Variants in CNTNAP4 observed in about 807,000 individuals in gnomAD.
The protein encoded by CNTNAP4 is contactin-associated protein-like 4.
Under a neutral mutation model 148.4 loss-of-function variants are expected in CNTNAP4, and 98 were observed. The ratio of observed to expected loss-of-function variants is 0.66; its 90% CI spans 0.56 to 0.78. CNTNAP4 has a LOEUF of 0.78. Among genes scored for constraint, CNTNAP4 ranks in the 30% least tolerant of loss-of-function variants. The pLI is 0.00. For synonymous variants in CNTNAP4, 730 were observed against 565.1 expected, an observed-to-expected ratio of 1.29 and a Z score of -4.14; for missense variants, 1,935 against 1,565.6, an observed-to-expected ratio of 1.24 and a Z score of -3.98.
Position 76,447,970 on chromosome 16 carries a change from G to T in CNTNAP4, c.539-42G>T, listed in dbSNP as rs894932715. On this transcript the variant is annotated intron_variant, in intron 4 of 23. Coordinates refer to ENST00000611870, the MANE Select transcript of CNTNAP4 (RefSeq NM_033401.5). ...GCATTTAAAATGATTTAATGGAAAA[G>T]ATATTTATCCTTAGAATGCCTTCTA... The T allele has an allele frequency of 5.6e-6, 8 of 1,424,846 alleles. No homozygotes were observed. In the African/African-American group the frequency reaches 8.5e-5, roughly 15 times the overall value. 88.3% of individuals were successfully genotyped at this position (1,424,846 alleles called of 1,614,324 possible). A position where few individuals can be genotyped will look rare whatever the true frequency, so the allele number is the denominator to read the frequency against.
In CNTNAP4 at chr16:76,427,488, T is replaced by C. The variant is rs1268070793; in HGVS notation, c.427T>C (p.Tyr143His). The part of the protein sequence containing the change: ...SGNANADSVV[Y>H]YRLQPSIKAR... ...AAATGCAAATGCAGACAGTGTTGTG[T>C]ACTATAGACTCCAGCCTTCTATCAA... is the stretch of plus-strand genomic sequence containing the variant. Residue 143 changes from tyrosine to histidine, a missense_variant, in exon 4 of 24, where the codon TAC becomes CAC. Transcript: ENST00000611870. The C allele has an allele frequency of 6.2e-7, 1 of 1,613,038 alleles. No homozygotes were observed. The highest frequency in any genetic ancestry group is 8.5e-7 in the Non-Finnish European group (1 of 1,179,362).
intron 10 of CNTNAP4, among the ~76,000 whole-genome samples, chr16:76,472,657 T>C (rs1358085284): frequency 1.3e-5 from 2 of 152,226 alleles, no homozygotes; most frequent in East Asian, 1.9e-4. Context: ...GGTTTATCAT[T>C]GATGGGCATT....
At chr16:76,453,957 A>G (rs1371180328) in intron 8 of CNTNAP4, among the ~76,000 whole-genome samples, 5 of 152,302 alleles carry the variant, frequency 3.3e-5, no homozygotes, top group Non-Finnish European at 4.4e-5. Context: ...ATGAAGGTCT[A>G]AAAATGTAAG....
intron 17 of CNTNAP4, among the ~76,000 whole-genome samples, chr16:76,531,341 G>A (rs1479673534): frequency 6.6e-6 from 1 of 152,104 alleles, no homozygotes; most frequent in Non-Finnish European, 1.5e-5. Context: ...GTAATTTCCT[G>A]AGAATAATAA....
intron 4 of CNTNAP4, among the ~76,000 whole-genome samples, chr16:76,438,959 A>G (rs539345386): frequency 3.3e-5 from 5 of 152,206 alleles, no homozygotes; most frequent in Non-Finnish European, 7.3e-5. Flanking sequence ...AAATATGTAC[A>G]ATTACATATC....
intron 3 of CNTNAP4, among the ~76,000 whole-genome samples, chr16:76,360,922 T>C (rs2013349645): frequency 6.7e-6 from 1 of 150,128 alleles, no homozygotes; most frequent in Non-Finnish European, 1.5e-5. Context: ...GTTCACACCA[T>C]TCTCCTGCCT....
rs2081210410 is a variant in CNTNAP4 at position 76,467,384 on chromosome 16, A to G, written c.1516A>G (p.Lys506Glu). The change falls in exon 10 of 24, where the codon AAA becomes GAA. Residue 506 changes from lysine to glutamate, a missense_variant. Coordinates refer to ENST00000611870, the MANE Select transcript of CNTNAP4 (RefSeq NM_033401.5). Reference sequence around the variant, plus strand: ...TGACAAAAGCTTTGGATCCAAATGTAAAAGTCCACTTGGTGGATTTCAGGG... The same window carrying G: ...TGACAAAAGCTTTGGATCCAAATGTGAAAGTCCACTTGGTGGATTTCAGGG... ...CPDKSFGSKC[K>E]SPLGGFQGCM... is the part of the protein sequence containing the mutation. The G allele has an allele frequency of 7.4e-6, 12 of 1,613,932 alleles. No homozygotes were observed. Among genetic ancestry groups the G allele is most frequent in the Non-Finnish European group, 7.6e-6 (9 of 1,179,850 alleles).
At chr16:76,504,172 G>T in intron 15 of CNTNAP4, among the ~76,000 whole-genome samples, 1 of 151,946 alleles carries the variant, frequency 6.6e-6, no homozygotes. Flanking sequence ...CAAAGTTTGA[G>T]ATACACTACT....
Position 76,452,599 on chromosome 16 carries a change from G to C in CNTNAP4, c.1163G>C (p.Gly388Ala). Residue 388 changes from glycine (G) to alanine (A), a missense_variant, in exon 8 of 24, where the codon GGA (glycine) becomes GCA (alanine). Gly to Ala is a moderately conservative substitution (Grantham distance 60). Coordinates refer to ENST00000611870, the MANE Select transcript of CNTNAP4 (RefSeq NM_033401.5). ...RSYLALPDFS[G>A]EEEVSATFQF... ...TATTTAGCACTGCCAGACTTCTCTGGAGAGGAGGAGGTTTCTGCCACTTTT... is the reference window on the plus strand; with the variant it reads ...TATTTAGCACTGCCAGACTTCTCTGCAGAGGAGGAGGTTTCTGCCACTTTT... The C allele has an allele frequency of 6.2e-7, 1 of 1,613,998 alleles. No homozygotes were observed. The highest frequency in any genetic ancestry group is 1.1e-5 in the South Asian group (1 of 91,080).
At chr16:76,315,248 C>G (rs1193048474) in intron 1 of CNTNAP4, among the ~76,000 whole-genome samples, 1 of 152,046 alleles carries the variant, frequency 6.6e-6, no homozygotes, top group Admixed American at 6.6e-5. Context: ...GCAAGCTCCT[C>G]TGAGTACATT....
At chr16:76,370,869 A>G (rs990672437) in intron 3 of CNTNAP4, among the ~76,000 whole-genome samples, 19 of 152,304 alleles carry the variant, frequency 1.2e-4, no homozygotes, top group Middle Eastern at 6.8e-3. Context: ...GAGATTTAAG[A>G]TAAGTTTCCC....
At chr16:76,428,892 G>T (rs1172780637) in intron 4 of CNTNAP4, among the ~76,000 whole-genome samples, 1 of 152,016 alleles carries the variant, frequency 6.6e-6, no homozygotes, top group African/African-American at 2.4e-5. Flanking sequence ...ATATTACTGG[G>T]TAACTACTCC....
chr16:76,539,695 A>G (rs182479562), intron 19 of CNTNAP4, 24 bp from the exon 20 acceptor site: 2 of 1,557,666 alleles, frequency 1.3e-6, no homozygotes, highest in East Asian at 4.8e-5. Context: ...TTACTAAAAG[A>G]ATCACAATTT....
Position 76,535,656 on chromosome 16 carries a change from C to T in CNTNAP4, c.2867C>T (p.Pro956Leu). Reference protein sequence around the residue: ...ERAQVTPEVQPGCRGHCSSYG... With the variant: ...ERAQVTPEVQLGCRGHCSSYG... ...GCCCAGGTGACTCCAGAAGTGCAGC[C>T]AGGTTGTAGGGGACATTGCAGCAGC... Residue 956 changes from proline (P) to leucine (L), a missense_variant, in exon 18 of 24, where the codon CCA becomes CTA. Pro to Leu is a moderately conservative substitution (Grantham distance 98). Transcript: ENST00000611870. The T allele has an allele frequency of 6.2e-7, 1 of 1,614,018 alleles. No homozygotes were observed. The highest frequency in any genetic ancestry group is 8.5e-7 in the Non-Finnish European group (1 of 1,180,002).
At chr16:76,413,916 T>C (rs916163193) in intron 3 of CNTNAP4, among the ~76,000 whole-genome samples, 30 of 151,312 alleles carry the variant, frequency 2.0e-4, no homozygotes, top group African/African-American at 7.3e-4. Flanking sequence ...TTCATTTTTA[T>C]ATATAGACTT....
chr16:76,488,672 G>A (rs188303530), intron 12 of CNTNAP4, among the ~76,000 whole-genome samples: 2 of 152,182 alleles, frequency 1.3e-5, no homozygotes, highest in Non-Finnish European at 2.9e-5. Flanking sequence ...CACATATGTA[G>A]TAGAGTTCTG....
At chr16:76,414,500 C>T (rs1354626558) in intron 3 of CNTNAP4, among the ~76,000 whole-genome samples, 1 of 151,062 alleles carries the variant, frequency 6.6e-6, no homozygotes, top group East Asian at 1.9e-4. Context: ...CTTGCAAGTT[C>T]CTTGTCAGAT....
chr16:76,293,600 A>G (rs996150437), intron 1 of CNTNAP4, among the ~76,000 whole-genome samples: 1 of 152,310 alleles, frequency 6.6e-6, no homozygotes, highest in Non-Finnish European at 1.5e-5. Flanking sequence ...CTTAATTTGT[A>G]TAATCAATTT....
At chr16:76,536,762 A>G (rs1289027426) in intron 18 of CNTNAP4, among the ~76,000 whole-genome samples, 1 of 152,236 alleles carries the variant, frequency 6.6e-6, no homozygotes, top group African/African-American at 2.4e-5. Flanking sequence ...GAAGAAAAGA[A>G]CAGTTGTAGG....
Sources: gnomAD v4.1 joint callset for allele counts (sites outside exome capture counted in the v4.1 genomes callset) on GRCh38, gnomAD v4.1.1 for gene constraint, MANE v1.5 for transcripts, NCBI Gene and HGNC (gene_info 2026-07-23, HGNC 2026-07-21) for gene names.